The following LRMDA variants were observed in gnomAD, a reference collection of about 807,000 sequenced individuals.
The protein encoded by LRMDA is leucine rich melanocyte differentiation associated, also known as leucine-rich melanocyte differentiation-associated protein.
Under a neutral mutation model 29.8 loss-of-function variants are expected in LRMDA, and 18 were observed. The ratio of observed to expected loss-of-function variants is 0.60; its 90% CI spans 0.42 to 0.90. The LOEUF (loss-of-function observed/expected upper bound fraction) is 0.90, where lower values mean the gene tolerates loss of function less well. LRMDA is among the 40% of genes least tolerant of loss of function. The probability of loss-of-function intolerance (pLI) is 0.00; values close to 1 mark genes in which losing one functional copy is unlikely to be tolerated. For missense variants in LRMDA, 273 were observed against 273.9 expected (o/e 1.00, Z 0.02); for synonymous variants, 125 against 109.4 (o/e 1.14, Z -0.89).
intron 2 of LRMDA, among the ~76,000 whole-genome samples, chr10:75,585,640 CTATTTATT>C (rs571726204): frequency 6.6e-6 from 1 of 152,134 alleles, no homozygotes; most frequent in African/African-American, 2.4e-5. Context: ...ACACTTGGCA[CTATTTATT>C]TATTTATTTA....
intron 5 of LRMDA, among the ~76,000 whole-genome samples, chr10:76,068,582 A>G (rs1251075316): frequency 6.6e-6 from 1 of 152,202 alleles, no homozygotes; most frequent in Non-Finnish European, 1.5e-5. Context: ...ATCTGACAGG[A>G]GGCAGAGCCC....
chr10:75,904,025 A>G (rs1328503813), intron 2 of LRMDA, among the ~76,000 whole-genome samples: 3 of 152,254 alleles, frequency 2.0e-5, no homozygotes, highest in Admixed American at 1.3e-4. Context: ...GATTCAAGAG[A>G]CTAATACTAC....
chr10:75,922,835 C>G (rs1004739013), intron 2 of LRMDA, among the ~76,000 whole-genome samples: 1 of 152,174 alleles, frequency 6.6e-6, no homozygotes, highest in Admixed American at 6.5e-5. Flanking sequence ...TCTTGCTAGA[C>G]TTTTTTCTTC....
intron 2 of LRMDA, among the ~76,000 whole-genome samples, chr10:75,570,150 T>C (rs898556723): frequency 6.6e-6 from 1 of 152,208 alleles, no homozygotes; most frequent in African/African-American, 2.4e-5. Context: ...TAGAGATACA[T>C]GACGTTAGGC....
chr10:76,469,968 A>G (rs575899367), intron 6 of LRMDA, among the ~76,000 whole-genome samples: 1 of 152,238 alleles, frequency 6.6e-6, no homozygotes, highest in African/African-American at 2.4e-5. Context: ...CTTCTCCCCT[A>G]TGATCATGGA....
At chr10:75,670,990 G>A (rs1002092400) in intron 2 of LRMDA, among the ~76,000 whole-genome samples, 1 of 152,044 alleles carries the variant, frequency 6.6e-6, no homozygotes, top group Admixed American at 6.5e-5. Context: ...TCAAAATACC[G>A]AGGGGAGCAA....
At chr10:76,109,780 C>G (rs1849546349) in intron 5 of LRMDA, among the ~76,000 whole-genome samples, 1 of 152,170 alleles carries the variant, frequency 6.6e-6, no homozygotes, top group South Asian at 2.1e-4. Flanking sequence ...TTTGCTAGTA[C>G]TATAAACCTT....
chr10:76,226,656 G>T (rs987055600), intron 5 of LRMDA, among the ~76,000 whole-genome samples: 3 of 152,140 alleles, frequency 2.0e-5, no homozygotes, highest in Non-Finnish European at 4.4e-5. Context: ...GAACAGCATG[G>T]TGAAAACCGC....
At chr10:75,982,554 CA>C (rs1411668973) in intron 2 of LRMDA, among the ~76,000 whole-genome samples, 2 of 151,968 alleles carry the variant, frequency 1.3e-5, no homozygotes, top group Non-Finnish European at 2.9e-5. Flanking sequence ...GGTTGGGTGG[CA>C]AAAAGTATCT....
chr10:76,110,712 C>T (rs889411295), intron 5 of LRMDA, among the ~76,000 whole-genome samples: 26 of 152,258 alleles, frequency 1.7e-4, no homozygotes, highest in South Asian at 4.2e-4. Flanking sequence ...TTTCTCTTGC[C>T]GCTGCCATGT....
Position 76,162,223 on chromosome 10 carries a change from A to G in LRMDA, c.516+103440A>G, listed in dbSNP as rs570404571. On this transcript the variant is annotated intron_variant, in intron 5 of 6. Transcript: ENST00000611255. ...TTTCAAGAAAGTGCTTACGAGAACAAAAGTTGTTTTGAAGGTAGGTAGGTA... is the reference window on the plus strand; with the variant it reads ...TTTCAAGAAAGTGCTTACGAGAACAGAAGTTGTTTTGAAGGTAGGTAGGTA... Among the ~76,000 whole-genome samples, 6 of 152,296 alleles carry G rather than the reference A, an allele frequency of 3.9e-5. No individual in the cohort carries two copies. The East Asian group carries it at 1.2e-3, about 29-fold the overall frequency.
chr10:76,444,887 TTATATC>T (rs1260417340), intron 6 of LRMDA, among the ~76,000 whole-genome samples: 1 of 152,124 alleles, frequency 6.6e-6, no homozygotes, highest in Admixed American at 6.6e-5. Flanking sequence ...TATGTAAAAA[TTATATC>T]TATAATTGTA....
intron 6 of LRMDA, among the ~76,000 whole-genome samples, chr10:76,485,605 C>T (rs1842773505): frequency 6.6e-6 from 1 of 151,850 alleles, no homozygotes; most frequent in South Asian, 2.1e-4. Context: ...CAACACTCTT[C>T]CTTTCTTCAT....
At chr10:76,136,593 CAA>C (rs59582443) in intron 5 of LRMDA, among the ~76,000 whole-genome samples, 22,707 of 144,574 alleles carry the variant, frequency 0.16, 2,015 homozygotes, top group Admixed American at 0.24. Flanking sequence ...TATTTACATA[CAA>C]GTGAACTTTT....
At chr10:76,274,800 A>T (rs1311167201) in intron 5 of LRMDA, among the ~76,000 whole-genome samples, 4 of 152,212 alleles carry the variant, frequency 2.6e-5, no homozygotes, top group Admixed American at 2.0e-4. Context: ...TTTACACAGG[A>T]TCACTCACTG....
At chr10:75,507,642 G>C (rs574388670) in intron 2 of LRMDA, among the ~76,000 whole-genome samples, 2 of 152,240 alleles carry the variant, frequency 1.3e-5, no homozygotes, top group Non-Finnish European at 2.9e-5. Flanking sequence ...ACTTCTCTCT[G>C]TGCCCCACCC....
chr10:76,438,338 A>G (rs1038382918), intron 6 of LRMDA, among the ~76,000 whole-genome samples: 4 of 152,158 alleles, frequency 2.6e-5, no homozygotes, highest in African/African-American at 9.7e-5. Context: ...GGCCTCAAAC[A>G]CTGGGCTTTG....
At chr10:76,019,542 A>T (rs1304395739) in intron 2 of LRMDA, among the ~76,000 whole-genome samples, 1 of 152,196 alleles carries the variant, frequency 6.6e-6, no homozygotes, top group African/African-American at 2.4e-5. Context: ...TAAACTTGAC[A>T]TTATAAAGCA....
chr10:76,274,833 G>T (rs1589405791), intron 5 of LRMDA, among the ~76,000 whole-genome samples: 1 of 152,084 alleles, frequency 6.6e-6, no homozygotes, highest in Admixed American at 6.5e-5. Flanking sequence ...GAAGGATGAA[G>T]ATCACAACTT....
Sources: gnomAD v4.1 joint callset for allele counts (sites outside exome capture counted in the v4.1 genomes callset) on GRCh38, gnomAD v4.1.1 for gene constraint, MANE v1.5 for transcripts, NCBI Gene and HGNC (gene_info 2026-07-23, HGNC 2026-07-21) for gene names.